Variants in CNTN4 observed in about 807,000 individuals in gnomAD.
The protein encoded by CNTN4 is contactin 4, also known as contactin-4.
Under a neutral mutation model 122.5 loss-of-function variants are expected in CNTN4, and 77 were observed. The ratio of observed to expected loss-of-function variants is 0.63; its 90% confidence interval spans 0.52 to 0.76. CNTN4 has a LOEUF of 0.76. Ranked by LOEUF, CNTN4 falls within the 30% of genes least tolerant of loss-of-function variation. The pLI, the probability that CNTN4 is intolerant of heterozygous loss-of-function variation, is 0.00. For synonymous variants in CNTN4, 512 were observed against 447.0 expected (o/e 1.15, Z -1.83); for missense variants, 1,256 against 1,259.1 (o/e 1.00, Z 0.04).
chr3:2,573,573 AAT>A (rs1158066426), intron 4 of CNTN4, among the ~76,000 whole-genome samples: 1 of 152,164 alleles, frequency 6.6e-6, no homozygotes, highest in East Asian at 1.9e-4. Context: ...GCTACAGCAT[AAT>A]GTTTATTTAA....
chr3:2,598,581 T>C (rs763111705), intron 4 of CNTN4, among the ~76,000 whole-genome samples: 13 of 152,168 alleles, frequency 8.5e-5, no homozygotes, highest in Non-Finnish European at 1.6e-4. Context: ...TGAACTGCAA[T>C]AAAGCCAGTA....
intron 3 of CNTN4, among the ~76,000 whole-genome samples, chr3:2,372,129 C>G (rs1296811870): frequency 6.6e-6 from 1 of 152,162 alleles, no homozygotes; most frequent in African/African-American, 2.4e-5. Flanking sequence ...AATGTGATCA[C>G]TCTCAAAATA....
chr3:2,362,652 G>T lies in CNTN4; in HGVS notation c.-89+23419G>T, dbSNP rs1016233160. The T allele has an allele frequency of 1.9e-5, 8 of 413,808 alleles. No individual in the cohort carries two copies. The East Asian group carries it at 2.4e-4, about 13-fold the overall frequency. 25.6% of individuals were successfully genotyped at this position (413,808 alleles called of 1,614,324 possible). On this transcript the variant is annotated intron_variant, in intron 3 of 24. Coordinates refer to ENST00000418658, the MANE Select transcript of CNTN4 (RefSeq NM_175607.3). The stretch of plus-strand genomic sequence containing the variant: ...GGGCCTAGGAGATGGATACCAACTT[G>T]AGATCAATGATGAGAAGCTGGGTGA...
intron 2 of CNTN4, among the ~76,000 whole-genome samples, chr3:2,130,404 C>A (rs1412914293): frequency 6.6e-6 from 1 of 152,120 alleles, no homozygotes; most frequent in Non-Finnish European, 1.5e-5. Flanking sequence ...TATGAGTGAA[C>A]AGCAAACCTG....
chr3:2,582,903 C>CA (rs10554418), intron 4 of CNTN4, among the ~76,000 whole-genome samples: 12,576 of 140,636 alleles, frequency 0.089, 544 homozygotes, highest in South Asian at 0.15. Context: ...AGTTCTGATA[C>CA]AAAAAAAAAA....
chr3:2,598,282 C>T (rs2080867342), intron 4 of CNTN4, among the ~76,000 whole-genome samples: 1 of 152,170 alleles, frequency 6.6e-6, no homozygotes, highest in African/African-American at 2.4e-5. Flanking sequence ...AGTAGTTCCA[C>T]ACTCCGTAAA....
At chr3:2,350,837 T>A (rs573819261) in intron 3 of CNTN4, among the ~76,000 whole-genome samples, 1 of 152,296 alleles carries the variant, frequency 6.6e-6, no homozygotes, top group South Asian at 2.1e-4. Flanking sequence ...AGGCAAATGG[T>A]ACCAGATTAT....
At chr3:2,154,244 A>G (rs4370010) in intron 2 of CNTN4, among the ~76,000 whole-genome samples, 11,992 of 151,682 alleles carry the variant, frequency 0.079, 810 homozygotes, top group East Asian at 0.19. Context: ...CATTAACCGG[A>G]TGTGGTGGTG....
rs62244052 is a variant in CNTN4, at chr3:2,369,140, G to A, written c.-89+29907G>A. ...CAGTTTAACCATGTTGGCCAGGCTG[G>A]TCTCGAACTCCTGACCTCGTGATCT... is the stretch of plus-strand genomic sequence containing the variant. On this transcript the variant is annotated intron_variant, in intron 3 of 24. Transcript: ENST00000418658. Among the ~76,000 whole-genome samples the A allele has an allele frequency of 2.7e-3, 413 of 152,104 alleles. 1 individual carries two copies. Among genetic ancestry groups the A allele is most frequent in the Non-Finnish European group, 3.7e-3 (251 of 68,000 alleles).
At chr3:2,794,954 G>GGCCCTACT (rs1326894556) in intron 6 of CNTN4, among the ~76,000 whole-genome samples, 1 of 152,092 alleles carries the variant, frequency 6.6e-6, no homozygotes, top group Non-Finnish European at 1.5e-5. Flanking sequence ...ACTTACCAAT[G>GGCCCTACT]GCCCTACTTC....
intron 3 of CNTN4, among the ~76,000 whole-genome samples, chr3:2,360,628 A>G (rs1360329575): frequency 2.0e-5 from 3 of 152,184 alleles, no homozygotes; most frequent in African/African-American, 4.8e-5. Context: ...ACTTAAAATC[A>G]TGCAGGTAGG....
Position 3,057,835 on chromosome 3 carries a change from A to G in CNTN4, c.*1615A>G, listed in dbSNP as rs1409278123. On this transcript the variant is annotated 3_prime_UTR_variant, in exon 25 of 25. Transcript: ENST00000418658. ...GCAAAAAAAAAATCAGCAAAATAAT[A>G]AAATGAACGAAAAAAAATGACACCC... 1 of 152,654 alleles carries G rather than the reference A, an allele frequency of 6.6e-6. No homozygotes were observed. Among genetic ancestry groups the G allele is most frequent in the Non-Finnish European group, 1.5e-5 (1 of 68,040 alleles). 9.5% of individuals were successfully genotyped at this position (152,654 alleles called of 1,614,324 possible).
intron 2 of CNTN4, among the ~76,000 whole-genome samples, chr3:2,285,912 T>A (rs2041883395): frequency 6.6e-6 from 1 of 152,158 alleles, no homozygotes; most frequent in East Asian, 1.9e-4. Context: ...TTTGTAGATG[T>A]ATGTACTTAT....
rs572165586 is a variant in CNTN4, at chr3:2,797,309, G to C, written c.359-22177G>C. Among the ~76,000 whole-genome samples the C allele has an allele frequency of 5.3e-5, 8 of 151,942 alleles. No individual in the cohort carries two copies. The South Asian group carries it at 1.7e-3, about 32-fold the overall frequency. ...ACTCCCAGACCAGAATGTTAATTTA[G>C]AAAGCTACACTGGGAATGGTGGCTT... On this transcript the variant is annotated intron_variant, in intron 6 of 24. Transcript: ENST00000418658.
intron 2 of CNTN4, among the ~76,000 whole-genome samples, chr3:2,199,688 T>G (rs2038008048): frequency 6.6e-6 from 1 of 152,022 alleles, no homozygotes; most frequent in African/African-American, 2.4e-5. Flanking sequence ...TCTCCTAGAG[T>G]GTGCATTTCT....
At chr3:2,236,404 CAT>C (rs1444534434) in intron 2 of CNTN4, among the ~76,000 whole-genome samples, 1 of 152,118 alleles carries the variant, frequency 6.6e-6, no homozygotes, top group African/African-American at 2.4e-5. Flanking sequence ...TAAATGACGT[CAT>C]GTGTGTGGAA....
intron 6 of CNTN4, among the ~76,000 whole-genome samples, chr3:2,804,327 G>A (rs930226583): frequency 6.6e-6 from 1 of 152,006 alleles, no homozygotes; most frequent in African/African-American, 2.4e-5. Context: ...TTTAAAATGA[G>A]GAAAAACCAT....
intron 3 of CNTN4, among the ~76,000 whole-genome samples, chr3:2,492,835 A>G (rs2076354530): frequency 6.6e-6 from 1 of 152,172 alleles, no homozygotes; most frequent in African/African-American, 2.4e-5. Flanking sequence ...TAACAAATAC[A>G]TGGTGTGATA....
At chr3:2,588,496 G>C (rs2080311723) in intron 4 of CNTN4, among the ~76,000 whole-genome samples, 1 of 151,888 alleles carries the variant, frequency 6.6e-6, no homozygotes, top group South Asian at 2.1e-4. Context: ...CCTCCAAGTA[G>C]CTGGGATTAT....
Sources: gnomAD v4.1 joint callset for allele counts (sites outside exome capture counted in the v4.1 genomes callset) on GRCh38, gnomAD v4.1.1 for gene constraint, MANE v1.5 for transcripts, NCBI Gene and HGNC (gene_info 2026-07-23, HGNC 2026-07-21) for gene names.